Variants in FMO1 observed in about 807,000 individuals in gnomAD.
FMO1 encodes the protein flavin containing dimethylaniline monoxygenase 1.
FMO1 carries 36 observed loss-of-function variants against 45.4 expected under a neutral mutation model. The ratio of observed to expected loss-of-function variants is 0.79; its 90% CI spans 0.61 to 1.05. The LOEUF (loss-of-function observed/expected upper bound fraction) is 1.05. Among genes scored for constraint, FMO1 ranks in the 50% least tolerant of loss-of-function variants. The pLI is 0.00. For missense variants in FMO1, 615 were observed against 640.3 expected (o/e 0.96, Z 0.43); for synonymous variants, 228 against 227.2 (o/e 1.00, Z -0.03).
intron 3 of FMO1, 38 bp downstream of exon 3, chr1:171,267,769 T>C: frequency 1.3e-6 from 2 of 1,495,950 alleles, no homozygotes; most frequent in Non-Finnish European, 1.8e-6. Context: ...CAGAAAGTAT[T>C]TCCTACCTAT....
At chr1:171,280,704 C>A in intron 5 of FMO1, 82 bp from the exon 6 acceptor site, 2 of 1,203,362 alleles carry the variant, frequency 1.7e-6, no homozygotes, top group Non-Finnish European at 2.5e-6. Context: ...CCTTTCCATT[C>A]ATGACACTTC....
At chr1:171,257,057 C>T (rs1007126794) in intron 1 of FMO1, among the ~76,000 whole-genome samples, 1 of 152,214 alleles carries the variant, frequency 6.6e-6, no homozygotes, top group Non-Finnish European at 1.5e-5. Flanking sequence ...CTACTGAGCA[C>T]TTACTATGTG....
At chr1:171,273,263 C>G (rs990222776) in intron 3 of FMO1, among the ~76,000 whole-genome samples, 1 of 152,158 alleles carries the variant, frequency 6.6e-6, no homozygotes, top group African/African-American at 2.4e-5. Flanking sequence ...CTCCATTAGA[C>G]CTTTTTCCTT....
intron 2 of FMO1, among the ~76,000 whole-genome samples, chr1:171,263,636 C>A (rs1039654994): frequency 4.6e-5 from 7 of 152,194 alleles, no homozygotes; most frequent in African/African-American, 1.7e-4. Context: ...ACCCTCCTCT[C>A]CTTTTTTCTC....
Position 171,285,491 on chromosome 1 carries a change from A to G in FMO1, c.1546A>G (p.Lys516Glu), listed in dbSNP as rs377757862. The change falls in exon 9 of 9, where the codon AAA becomes GAA. Residue 516 changes from lysine (K) to glutamate (E), a missense_variant. Physicochemically the swap from Lys to Glu is moderately conservative, Grantham distance 56. Coordinates refer to ENST00000617670, the MANE Select transcript of FMO1 (RefSeq NM_001282693.2). ...ESPSPFESFL[K>E]VFSFLALLVA... is the part of the protein sequence containing the mutation. ...TCCATCTCCCTTTGAAAGTTTTCTT[A>G]AAGTCTTTAGCTTTCTGGCTTTGCT... 37 of 1,525,542 alleles carry G rather than the reference A, an allele frequency of 2.4e-5. No homozygotes were observed. In the African/African-American group the frequency reaches 3.4e-4, roughly 14 times the overall value. 94.5% of individuals were successfully genotyped at this position (1,525,542 alleles called of 1,614,324 possible).
chr1:171,266,040 A>T (rs958458625), intron 2 of FMO1, among the ~76,000 whole-genome samples: 1 of 152,222 alleles, frequency 6.6e-6, no homozygotes, highest in Non-Finnish European at 1.5e-5. Context: ...CAAATAACTT[A>T]TACTGTAAGA....
chr1:171,277,127 T>C (rs970984802), intron 4 of FMO1, among the ~76,000 whole-genome samples: 1 of 152,204 alleles, frequency 6.6e-6, no homozygotes, highest in Non-Finnish European at 1.5e-5. Flanking sequence ...CTTTGAGCTC[T>C]AAAATTCTGT....
chr1:171,260,009 C>T (rs974954114), intron 2 of FMO1, among the ~76,000 whole-genome samples: 8 of 152,104 alleles, frequency 5.3e-5, no homozygotes, highest in African/African-American at 1.7e-4. Flanking sequence ...AAAGGCTTCA[C>T]TGAAGAGGTA....
chr1:171,284,250 A>G lies in FMO1; in HGVS notation c.1257-952A>G, dbSNP rs796752687. Among the ~76,000 whole-genome samples, 20 of 151,872 alleles carry G rather than the reference A, an allele frequency of 1.3e-4. No individual in the cohort carries two copies. The South Asian group carries it at 4.2e-3, about 32-fold the overall frequency. Reference sequence around the variant, plus strand: ...AACTTATTATCACTCTCTTGTTCATATATATTCCCAAACTTCAAGGGTTGA... The same window carrying G: ...AACTTATTATCACTCTCTTGTTCATGTATATTCCCAAACTTCAAGGGTTGA... On this transcript the variant is annotated intron_variant, in intron 8 of 8. Coordinates refer to ENST00000617670, the MANE Select transcript of FMO1 (RefSeq NM_001282693.2).
intron 1 of FMO1, among the ~76,000 whole-genome samples, chr1:171,255,553 C>T (rs1373521766): frequency 6.6e-6 from 1 of 152,166 alleles, no homozygotes; most frequent in Non-Finnish European, 1.5e-5. Flanking sequence ...AAACTACATT[C>T]TAGTCAAGGA....
intron 4 of FMO1, among the ~76,000 whole-genome samples, chr1:171,277,674 T>C (rs997928339): frequency 6.6e-6 from 1 of 152,192 alleles, no homozygotes; most frequent in Non-Finnish European, 1.5e-5. Context: ...GCTTTCCACC[T>C]CTTTCTTCGC....
chr1:171,275,333 A>G lies in FMO1; in HGVS notation c.322-13A>G, dbSNP rs372709967. The stretch of plus-strand genomic sequence containing the variant: ...TTGACAACTGCTAATCATATCTGTG[A>G]TTCTTTTTTCAGACCAAAGTCTGCA... On this transcript the variant is annotated splice_polypyrimidine_tract_variant and intron_variant, in intron 3 of 8. Coordinates refer to ENST00000617670, the MANE Select transcript of FMO1 (RefSeq NM_001282693.2). The G allele has an allele frequency of 2.2e-5, 35 of 1,612,080 alleles. No homozygotes were observed. In the African/African-American group the frequency reaches 4.0e-4, roughly 18 times the overall value.
At chr1:171,280,554 T>A (rs1031138588) in intron 5 of FMO1, among the ~76,000 whole-genome samples, 1 of 152,202 alleles carries the variant, frequency 6.6e-6, no homozygotes, top group South Asian at 2.1e-4. Flanking sequence ...TAATAAGTAT[T>A]CAATAATATG....
intron 3 of FMO1, among the ~76,000 whole-genome samples, chr1:171,272,400 C>G (rs1055802356): frequency 6.6e-6 from 1 of 152,228 alleles, no homozygotes; most frequent in Non-Finnish European, 1.5e-5. Flanking sequence ...CACACAGAGT[C>G]TCTACTGGGG....
chr1:171,275,638 T>C, intron 4 of FMO1, 130 bp downstream of exon 4: 1 of 618,322 alleles, frequency 1.6e-6, no homozygotes, highest in Non-Finnish European at 2.7e-6. Context: ...GGAGGCTTTT[T>C]TTGTTTTGTT....
Position 171,282,162 on chromosome 1 carries a change from C to T in FMO1, c.1012C>T (p.Leu338Phe). Residue 338 changes from leucine (L) to phenylalanine (F), a missense_variant, in exon 7 of 9, where the codon CTT becomes TTT. Physicochemically the swap from Leu to Phe is conservative, Grantham distance 22. Transcript: ENST00000617670. ...ATGYTFAFPF[L>F]DESVVKVEDG... ...TGGATACACATTTGCTTTCCCCTTC[C>T]TTGATGAGTCTGTAGTGAAAGTTGA... 6.2e-7 allele frequency: 1 copy of T among 1,614,028 alleles called. No homozygotes were observed. The highest frequency in any genetic ancestry group is 8.5e-7 in the Non-Finnish European group (1 of 1,179,898).
At chr1:171,255,130 C>G (rs143959732) in intron 1 of FMO1, among the ~76,000 whole-genome samples, 1 of 152,250 alleles carries the variant, frequency 6.6e-6, no homozygotes, top group East Asian at 1.9e-4. Context: ...TTTCGTTTCA[C>G]CCTCTATATA....
intron 5 of FMO1, among the ~76,000 whole-genome samples, chr1:171,280,563 T>C (rs1449764258): frequency 6.6e-6 from 1 of 152,220 alleles, no homozygotes; most frequent in Non-Finnish European, 1.5e-5. Flanking sequence ...TTCAATAATA[T>C]GTCTTAAGGC....
intron 1 of FMO1, among the ~76,000 whole-genome samples, chr1:171,253,675 C>T (rs28384830): frequency 1.3e-4 from 20 of 152,064 alleles, no homozygotes; most frequent in Middle Eastern, 3.4e-3. Context: ...GCAGGAGAAT[C>T]GCTCGAACCC....
Sources: allele counts gnomAD v4.1 joint callset (sites outside exome capture counted in the v4.1 genomes callset), GRCh38; gene constraint gnomAD v4.1.1; transcripts MANE v1.5; gene names NCBI Gene and HGNC (gene_info 2026-07-23, HGNC 2026-07-21).